ZFP1: variants seen among roughly 807,000 people sequenced by gnomAD.
The protein encoded by ZFP1 is ZFP1 zinc finger protein.
A neutral mutation model predicts 38.5 loss-of-function variants in ZFP1; 32 were observed. The observed-to-expected ratio is 0.83, with a 90% confidence interval of 0.63 to 1.12. The LOEUF (loss-of-function observed/expected upper bound fraction) is 1.12. ZFP1 is among the 50% of genes most tolerant of loss of function. The pLI is 0.00. For synonymous variants in ZFP1, 245 were observed against 168.8 expected (o/e 1.45, Z -3.50); for missense variants, 616 against 480.8 (o/e 1.28, Z -2.63).
chr16:75,165,479 C>T (rs2038020762), intron 2 of ZFP1, among the ~76,000 whole-genome samples: 1 of 152,016 alleles, frequency 6.6e-6, no homozygotes, highest in Non-Finnish European at 1.5e-5. Flanking sequence ...ACTGCAGCCT[C>T]CACCTCCCAG....
the ZFP1 span, among the ~76,000 whole-genome samples, chr16:75,133,503 A>G: frequency 6.5e-4 from 99 of 152,266 alleles, no homozygotes; most frequent in African/African-American, 2.4e-3. Flanking sequence ...GCTCCCACTT[A>G]TAAGTGAGAA....
the ZFP1 span, among the ~76,000 whole-genome samples, chr16:75,121,324 G>T: frequency 1.0e-4 from 15 of 150,334 alleles, no homozygotes; most frequent in Non-Finnish European, 1.8e-4. Context: ...ACGGGGTTTC[G>T]CCGTGTTAGC....
chr16:75,129,047 C>T, the ZFP1 span, among the ~76,000 whole-genome samples: 1 of 152,182 alleles, frequency 6.6e-6, no homozygotes. Flanking sequence ...GCCTCAGCCT[C>T]CCAAAGTGCT....
At position 75,169,570 on chromosome 16, in the gene ZFP1, G is replaced by C. The variant is rs777103803; in HGVS notation, c.460G>C (p.Glu154Gln). 1.2e-6 allele frequency: 2 copies of C among 1,603,590 alleles called. No homozygotes were observed. The highest frequency in any genetic ancestry group is 2.2e-5 in the East Asian group (1 of 44,844). ...LKQEKTHSGVEYSEYNKSGKA... is the reference protein window; with the variant it reads ...LKQEKTHSGVQYSEYNKSGKA... The stretch of plus-strand genomic sequence containing the variant: ...GCAAGAGAAAACCCACAGTGGAGTA[G>C]AATATTCTGAATACAATAAAAGTGG... The change falls in exon 4 of 4, where the codon GAA (glutamate) becomes CAA (glutamine). Residue 154 changes from glutamate (E) to glutamine (Q), a missense_variant. Coordinates refer to ENST00000570010, the MANE Select transcript of ZFP1 (RefSeq NM_153688.4).
intron 1 of ZFP1, chr16:75,148,979 C>G: frequency 6.6e-6 from 1 of 151,286 alleles, no homozygotes; most frequent in Non-Finnish European, 1.5e-5. Flanking sequence ...CGCGCGCGCG[C>G]GGGACGAGGC....
the ZFP1 span, among the ~76,000 whole-genome samples, chr16:75,120,161 G>C: frequency 5.9e-5 from 9 of 152,092 alleles, no homozygotes; most frequent in Admixed American, 5.9e-4. Context: ...GTGTGTGTGC[G>C]CATGTGCGTG....
rs2038351403 is a variant in ZFP1 at position 75,170,236 on chromosome 16, G to A, written c.1126G>A (p.Gly376Arg). 1 of 1,614,048 alleles carries A rather than the reference G, an allele frequency of 6.2e-7. No individual in the cohort carries two copies. Among genetic ancestry groups the A allele is most frequent in the Non-Finnish European group, 8.5e-7 (1 of 1,180,028 alleles). Residue 376 changes from glycine to arginine, a missense_variant, in exon 4 of 4, where the codon GGA (glycine) becomes AGA (arginine). Physicochemically the swap from Gly to Arg is moderately radical, Grantham distance 125. Transcript: ENST00000570010. ...TAGATTACACTTGCGAATCCACACAGGAGAGAAACCATATGAGTGTTCCGA... is the reference window on the plus strand; with the variant it reads ...TAGATTACACTTGCGAATCCACACAAGAGAGAAACCATATGAGTGTTCCGA... ...TLRLHLRIHTGEKPYECSECG... is the reference protein window; with the variant it reads ...TLRLHLRIHTREKPYECSECG...
upstream of ZFP1, among the ~76,000 whole-genome samples, chr16:75,145,142 G>A (rs1186790355): frequency 6.6e-6 from 1 of 152,240 alleles, no homozygotes; most frequent in Non-Finnish European, 1.5e-5. Context: ...TGGATATTGT[G>A]AATAATGCTG....
intron 2 of ZFP1, among the ~76,000 whole-genome samples, chr16:75,163,968 A>G (rs989740706): frequency 6.6e-6 from 1 of 152,210 alleles, no homozygotes; most frequent in Admixed American, 6.5e-5. Context: ...CAGTCTTTCC[A>G]TCATAGAGAT....
intron 2 of ZFP1, among the ~76,000 whole-genome samples, chr16:75,156,086 A>T (rs1188131884): frequency 6.6e-6 from 1 of 152,204 alleles, no homozygotes; most frequent in Non-Finnish European, 1.5e-5. Flanking sequence ...GTATAGAATG[A>T]TACAGCCTTA....
At chr16:75,146,319 C>G (rs139741348), upstream of ZFP1, among the ~76,000 whole-genome samples, 1 of 152,038 alleles carries the variant, frequency 6.6e-6, no homozygotes, top group African/African-American at 2.4e-5. Context: ...CCCGCCACCA[C>G]GCCCGGCTAA....
At chr16:75,124,149 A>G in the ZFP1 span, among the ~76,000 whole-genome samples, 2 of 151,176 alleles carry the variant, frequency 1.3e-5, no homozygotes, top group African/African-American at 4.9e-5. Context: ...AAGGTGAACA[A>G]TTTTTGTCTA....
chr16:75,153,369 T>C lies in ZFP1; in HGVS notation c.15+403T>C, dbSNP rs113119866. ...CTAATGCCAGAGAATGCAGTAAATA[T>C]GTGGGTTTGTATTTAAATCCCTCCA... On this transcript the variant is annotated intron_variant, in intron 2 of 3. Transcript: ENST00000570010. Among the ~76,000 whole-genome samples the C allele has an allele frequency of 2.0e-4, 31 of 152,352 alleles. No homozygotes were observed. The South Asian group carries it at 3.7e-3, about 18-fold the overall frequency.
chr16:75,155,018 C>T (rs774347140), intron 2 of ZFP1, among the ~76,000 whole-genome samples: 3 of 152,040 alleles, frequency 2.0e-5, no homozygotes, highest in East Asian at 3.8e-4. Context: ...AGGCTGGTCT[C>T]GAACTCCTGG....
chr16:75,128,035 G>C, the ZFP1 span: 2 of 152,214 alleles, frequency 1.3e-5, no homozygotes, highest in Non-Finnish European at 2.9e-5. Context: ...GACACCATTG[G>C]AGAAACTAGT....
At chr16:75,137,612 C>T in the ZFP1 span, among the ~76,000 whole-genome samples, 1 of 151,510 alleles carries the variant, frequency 6.6e-6, no homozygotes, top group Admixed American at 6.6e-5. Context: ...TACAGGCGCC[C>T]ACCACCACGC....
At chr16:75,142,417 C>T in the ZFP1 span, among the ~76,000 whole-genome samples, 13 of 151,416 alleles carry the variant, frequency 8.6e-5, no homozygotes, top group Non-Finnish European at 1.8e-4. Context: ...GCTGCTGAAA[C>T]GTCCTGCTGT....
the ZFP1 span, among the ~76,000 whole-genome samples, chr16:75,135,902 C>T: frequency 3.3e-5 from 5 of 152,200 alleles, no homozygotes; most frequent in Admixed American, 6.5e-5. Context: ...GCAACCTCCA[C>T]CTCTTGGGTT....
the ZFP1 span, among the ~76,000 whole-genome samples, chr16:75,121,768 A>T: frequency 7.9e-5 from 12 of 152,378 alleles, no homozygotes; most frequent in East Asian, 2.1e-3. Flanking sequence ...GAAATGCTTT[A>T]TCAGGAAAAA....
Sources: allele counts gnomAD v4.1 joint callset (sites outside exome capture counted in the v4.1 genomes callset), GRCh38; gene constraint gnomAD v4.1.1; transcripts MANE v1.5; gene names NCBI Gene and HGNC (gene_info 2026-07-23, HGNC 2026-07-21).